Variants in CGNL1 observed in about 807,000 individuals in gnomAD.
The protein encoded by CGNL1 is cingulin-like protein 1.
In CGNL1, 132 loss-of-function variants were observed where a neutral mutation model predicts 141.2. That is an observed-to-expected ratio of 0.93 (90% CI 0.81 to 1.08). CGNL1 has a LOEUF of 1.08. Ranked by LOEUF, CGNL1 falls within the 50% of genes least tolerant of loss-of-function variation. CGNL1 has a pLI of 0.00. For synonymous variants in CGNL1, 690 were observed against 622.1 expected (o/e 1.11, Z -1.63); for missense variants, 1,870 against 1,588.6 (o/e 1.18, Z -3.01).
chr15:57,516,243 G>A (rs2030787721), intron 8 of CGNL1, among the ~76,000 whole-genome samples: 1 of 151,926 alleles, frequency 6.6e-6, no homozygotes, highest in African/African-American at 2.4e-5. Flanking sequence ...CAGAAAGCGA[G>A]GGTTATGAGG....
intron 1 of CGNL1, among the ~76,000 whole-genome samples, chr15:57,401,018 T>C (rs537458262): frequency 1.8e-4 from 28 of 151,456 alleles, no homozygotes; most frequent in African/African-American, 3.4e-4. Flanking sequence ...GATTTGATAA[T>C]TTTTTTTTAG....
intron 8 of CGNL1, among the ~76,000 whole-genome samples, chr15:57,464,400 T>G (rs772074930): frequency 6.6e-6 from 1 of 152,154 alleles, no homozygotes; most frequent in Non-Finnish European, 1.5e-5. Flanking sequence ...ATAAATAAAA[T>G]AACATAGACC....
intron 16 of CGNL1, 21 bp downstream of exon 16, chr15:57,544,618 G>T: frequency 6.4e-7 from 1 of 1,560,774 alleles, no homozygotes. Context: ...CCCACCCACT[G>T]CAGTGCGGAG....
intron 8 of CGNL1, among the ~76,000 whole-genome samples, chr15:57,468,502 G>C (rs756236716): frequency 1.1e-4 from 16 of 151,758 alleles, no homozygotes; most frequent in Non-Finnish European, 2.1e-4. Context: ...AAAATGTTGG[G>C]GTTATAGGTG....
At chr15:57,401,346 T>C (rs148615118) in intron 1 of CGNL1, among the ~76,000 whole-genome samples, 275 of 152,332 alleles carry the variant, frequency 1.8e-3, no homozygotes, top group East Asian at 1.2e-3. Flanking sequence ...ATTGAGCCAG[T>C]GCGCCCAGCT....
chr15:57,438,834 C>A lies in CGNL1; in HGVS notation c.835C>A (p.Arg279=), dbSNP rs771249830. The change falls in exon 2 of 19, where the codon CGG becomes AGG. Residue 279 remains arginine, a synonymous_variant. Transcript: ENST00000281282. ...KKTRPDVLPF[R]RQDSAGPVLD... is the part of the protein sequence containing the mutation. Reference sequence around the variant, plus strand: ...AACCAGGCCAGATGTTCTTCCCTTCCGGCGACAGGATTCAGCGGGACCCGT... The same window carrying A: ...AACCAGGCCAGATGTTCTTCCCTTCAGGCGACAGGATTCAGCGGGACCCGT... 4 of 1,614,038 alleles carry A rather than the reference C, an allele frequency of 2.5e-6. No individual in the cohort carries two copies. The highest frequency in any genetic ancestry group is 2.5e-6 in the Non-Finnish European group (3 of 1,180,042).
chr15:57,408,371 C>A (rs16977474), intron 1 of CGNL1, among the ~76,000 whole-genome samples: 44,727 of 151,850 alleles, frequency 0.29, 6,674 homozygotes, highest in African/African-American at 0.33. Context: ...ATGCCTCACT[C>A]AGAGACAAAT....
At position 57,550,518 on chromosome 15, in the gene CGNL1, A is replaced by G. The variant is rs1158588918; in HGVS notation, c.*3028A>G. 2.0e-5 allele frequency: 3 copies of G among 152,650 alleles called. No homozygotes were observed. In the South Asian group the frequency reaches 6.2e-4, roughly 32 times the overall value. The allele number at this position is 152,650 out of a possible 1,614,324, so 9.5% of individuals were successfully genotyped here. A position where few individuals can be genotyped will look rare whatever the true frequency, so the allele number is the denominator to read the frequency against. ...AATACTGAAGAGACAATCATCCTGT[A>G]TCTTTTATGGTTTTTCCTGCTTCTG... is the stretch of plus-strand genomic sequence containing the variant. On this transcript the variant is annotated 3_prime_UTR_variant, in exon 19 of 19. Transcript: ENST00000281282.
chr15:57,395,855 A>G (rs1413075612), intron 1 of CGNL1, among the ~76,000 whole-genome samples: 1 of 134,608 alleles, frequency 7.4e-6, no homozygotes, highest in Non-Finnish European at 1.7e-5. Flanking sequence ...GGTACGAACC[A>G]AGTTAAAAAA....
At chr15:57,509,373 C>CA (rs1283652340) in intron 8 of CGNL1, among the ~76,000 whole-genome samples, 1 of 152,226 alleles carries the variant, frequency 6.6e-6, no homozygotes, top group Non-Finnish European at 1.5e-5. Flanking sequence ...CCGGCTGTGG[C>CA]AGAGGCCGTG....
intron 4 of CGNL1, among the ~76,000 whole-genome samples, chr15:57,445,209 T>C (rs1026742605): frequency 7.2e-5 from 11 of 152,168 alleles, no homozygotes; most frequent in Admixed American, 2.6e-4. Flanking sequence ...CAGTGAGCTA[T>C]GATTGTGCCA....
intron 8 of CGNL1, among the ~76,000 whole-genome samples, chr15:57,506,533 G>A (rs2064105400): frequency 1.3e-5 from 2 of 152,212 alleles, no homozygotes; most frequent in African/African-American, 2.4e-5. Flanking sequence ...CCCCTGAAAT[G>A]CAGTCTTGGT....
intron 13 of CGNL1, 86 bp downstream of exon 13, chr15:57,528,901 A>G: frequency 7.0e-7 from 1 of 1,425,666 alleles, no homozygotes. Flanking sequence ...CTCTCAGCTC[A>G]GCCTTTGGGA....
At chr15:57,495,284 T>A (rs1203154782) in intron 8 of CGNL1, among the ~76,000 whole-genome samples, 2 of 152,186 alleles carry the variant, frequency 1.3e-5, no homozygotes, top group Non-Finnish European at 2.9e-5. Flanking sequence ...TTTACCACCA[T>A]GCCTTCCAGT....
chr15:57,403,257 C>G (rs2062679493), intron 1 of CGNL1, among the ~76,000 whole-genome samples: 1 of 151,586 alleles, frequency 6.6e-6, no homozygotes, highest in Admixed American at 6.6e-5. Context: ...TGAAACGCCC[C>G]TCTTTGGGGC....
Position 57,439,389 on chromosome 15 carries a change from C to A in CGNL1, c.1390C>A (p.Pro464Thr), listed in dbSNP as rs1226330467. ...ATGTGCCCACTCCAGGCCTCCCCAG[C>A]CGAACATAGATGGGAAAGTTCTGGA... Reference protein sequence around the residue: ...ASCAHSRPPQPNIDGKVLETE... With the variant: ...ASCAHSRPPQTNIDGKVLETE... Residue 464 changes from proline (P) to threonine (T), a missense_variant, in exon 2 of 19, where the codon CCG becomes ACG. Physicochemically the swap from Pro to Thr is conservative, Grantham distance 38 (BLOSUM62 -1). Transcript: ENST00000281282. The A allele has an allele frequency of 6.2e-7, 1 of 1,614,168 alleles. No homozygotes were observed. Among genetic ancestry groups the A allele is most frequent in the Admixed American group, 1.7e-5 (1 of 60,026 alleles).
At chr15:57,389,507 C>T (rs1335333582) in intron 1 of CGNL1, among the ~76,000 whole-genome samples, 2 of 152,184 alleles carry the variant, frequency 1.3e-5, no homozygotes, top group Admixed American at 6.5e-5. Flanking sequence ...CCTTCCCTCT[C>T]GCCCAATAGG....
At chr15:57,378,025 T>C (rs763292706) in intron 1 of CGNL1, among the ~76,000 whole-genome samples, 2 of 152,216 alleles carry the variant, frequency 1.3e-5, no homozygotes, top group Admixed American at 6.5e-5. Flanking sequence ...ATTAAACTTA[T>C]TCTGGAAGTA....
At chr15:57,400,382 T>G (rs533666980) in intron 1 of CGNL1, among the ~76,000 whole-genome samples, 1 of 152,334 alleles carries the variant, frequency 6.6e-6, no homozygotes, top group African/African-American at 2.4e-5. Context: ...TTGCTTCTAC[T>G]TGGCTTTGGG....
Sources: gnomAD v4.1 joint callset for allele counts (sites outside exome capture counted in the v4.1 genomes callset) on GRCh38, gnomAD v4.1.1 for gene constraint, MANE v1.5 for transcripts, NCBI Gene and HGNC (gene_info 2026-07-23, HGNC 2026-07-21) for gene names.